DEK: variants seen among roughly 807,000 people sequenced by gnomAD.
DEK encodes the protein protein DEK.
A neutral mutation model predicts 46.8 loss-of-function variants in DEK; 28 were observed. The ratio of observed to expected loss-of-function variants is 0.60; its 90% CI spans 0.44 to 0.82. The LOEUF is 0.82. DEK is among the 40% of genes least tolerant of loss of function. The pLI is 0.00. For synonymous variants in DEK, 160 were observed against 144.5 expected, an observed-to-expected ratio of 1.11 and a Z score of -0.77; for missense variants, 416 against 430.6, an observed-to-expected ratio of 0.97 and a Z score of 0.30.
chr6:18,231,283 A>G (rs1395117253), intron 9 of DEK, among the ~76,000 whole-genome samples: 1 of 152,206 alleles, frequency 6.6e-6, no homozygotes, highest in African/African-American at 2.4e-5. Flanking sequence ...TCTAAAATTG[A>G]CACCCTAACA....
At chr6:18,248,011 G>A (rs571992217) in intron 7 of DEK, among the ~76,000 whole-genome samples, 1 of 152,164 alleles carries the variant, frequency 6.6e-6, no homozygotes, top group South Asian at 2.1e-4. Context: ...ATGACAAGAA[G>A]ATTCGATTTA....
intron 7 of DEK, among the ~76,000 whole-genome samples, chr6:18,239,578 C>T (rs548606983): frequency 6.6e-6 from 1 of 152,112 alleles, no homozygotes; most frequent in African/African-American, 2.4e-5. Context: ...GGCTGGGAAG[C>T]ATGTAGTTTA....
At chr6:18,264,100 T>A in intron 1 of DEK, 104 bp from the exon 2 acceptor site, 1 of 1,095,678 alleles carries the variant, frequency 9.1e-7, no homozygotes, top group Non-Finnish European at 1.2e-6. Flanking sequence ...ACACCTGCCC[T>A]GAAAGTTGCC....
At chr6:18,243,353 C>G (rs1425162617) in intron 7 of DEK, among the ~76,000 whole-genome samples, 1 of 151,622 alleles carries the variant, frequency 6.6e-6, no homozygotes, top group Non-Finnish European at 1.5e-5. Context: ...TAGTAAAATG[C>G]TCAGGTATAG....
In DEK at chr6:18,250,117, T is replaced by C. The variant is rs183097233; in HGVS notation, c.574-278A>G. 4.4e-3 allele frequency among the ~76,000 whole-genome samples: 666 copies of C among 152,330 alleles called. 5 individuals are homozygous for C. Among genetic ancestry groups the C allele is most frequent in the African/African-American group, 0.015 (642 of 41,572 alleles). ...GGGACTAGAAGCTCAAGACACATTA[T>C]GTTAAGCTCCAACGGCTGTTAATAC... On this transcript the variant is annotated intron_variant, in intron 6 of 10. Coordinates refer to ENST00000652689, the MANE Select transcript of DEK (RefSeq NM_003472.4).
chr6:18,250,113 A>G (rs1247762995), intron 6 of DEK, among the ~76,000 whole-genome samples: 1 of 152,222 alleles, frequency 6.6e-6, no homozygotes, highest in East Asian at 1.9e-4. Context: ...CTCAAGACAC[A>G]TTATGTTAAG....
At chr6:18,232,180 AC>A (rs1382402509) in intron 9 of DEK, among the ~76,000 whole-genome samples, 1 of 152,032 alleles carries the variant, frequency 6.6e-6, no homozygotes, top group Non-Finnish European at 1.5e-5. Flanking sequence ...CATGCTAAAA[AC>A]TCTCAATAAA....
chr6:18,241,219 A>G (rs1790879953), intron 7 of DEK, among the ~76,000 whole-genome samples: 1 of 152,180 alleles, frequency 6.6e-6, no homozygotes, highest in Non-Finnish European at 1.5e-5. Flanking sequence ...ATCTCAAAGG[A>G]CATACCTTGG....
chr6:18,251,150 C>T (rs80162649), intron 6 of DEK, among the ~76,000 whole-genome samples: 2,409 of 152,238 alleles, frequency 0.016, 67 homozygotes, highest in African/African-American at 0.055. Flanking sequence ...TGTTAAAATG[C>T]GCATTACAGA....
At chr6:18,240,347 T>C (rs761284149) in intron 7 of DEK, among the ~76,000 whole-genome samples, 1 of 152,230 alleles carries the variant, frequency 6.6e-6, no homozygotes, top group African/African-American at 2.4e-5. Context: ...ACTGCAAATA[T>C]ACTGCACAAG....
intron 6 of DEK, 26 bp from the exon 7 acceptor site, chr6:18,249,865 A>C (rs758166395): frequency 6.4e-7 from 1 of 1,571,826 alleles, no homozygotes; most frequent in Non-Finnish European, 8.6e-7. Flanking sequence ...TAAAGATAAC[A>C]CCAATGAGGT....
chr6:18,227,314 A>G (rs998566791), intron 9 of DEK, among the ~76,000 whole-genome samples: 2 of 152,116 alleles, frequency 1.3e-5, no homozygotes, highest in Admixed American at 6.6e-5. Flanking sequence ...ATAGGGGAAA[A>G]ACGCCTTAGG....
intron 6 of DEK, among the ~76,000 whole-genome samples, chr6:18,254,849 G>A (rs1268547433): frequency 6.6e-6 from 1 of 152,174 alleles, no homozygotes; most frequent in East Asian, 1.9e-4. Flanking sequence ...TGCGTTTGTA[G>A]TTGTATAACA....
At chr6:18,259,814 T>C (rs1582300314) in intron 2 of DEK, among the ~76,000 whole-genome samples, 1 of 152,316 alleles carries the variant, frequency 6.6e-6, no homozygotes. Context: ...AGCTTAGATT[T>C]AGTAATGTAA....
At chr6:18,230,653 G>C (rs1050269122) in intron 9 of DEK, among the ~76,000 whole-genome samples, 22 of 152,100 alleles carry the variant, frequency 1.4e-4, no homozygotes, top group African/African-American at 5.1e-4. Flanking sequence ...AATGGTAAAG[G>C]GATCAATTCA....
rs542418831 is a variant in DEK, at chr6:18,250,970, ATGC to A, written c.574-1134_574-1132del. On this transcript the variant is annotated intron_variant, in intron 6 of 10. Transcript: ENST00000652689. Reference sequence around the variant, plus strand: ...GTATGTTAATTATGAAACTAAGAATATGCTGCTATTATTCTGATAATCAATTAA... The same window carrying A: ...GTATGTTAATTATGAAACTAAGAATATGCTATTATTCTGATAATCAATTAA... Among the ~76,000 whole-genome samples the A allele has an allele frequency of 7.3e-4, 111 of 152,310 alleles. 1 individual carries two copies. The highest frequency in any genetic ancestry group is 6.8e-3 in the Middle Eastern group (2 of 294).
Position 18,226,201 on chromosome 6 carries a change from T to G in DEK, c.1089A>C (p.Lys363Asn). 1 of 1,343,806 alleles carries G rather than the reference T, an allele frequency of 7.4e-7. No individual in the cohort carries two copies. The highest frequency in any genetic ancestry group is 9.9e-7 in the Non-Finnish European group (1 of 1,008,092). 83.2% of individuals were successfully genotyped at this position (1,343,806 alleles called of 1,614,324 possible). A position where few individuals can be genotyped will look rare whatever the true frequency, so the allele number is the denominator to read the frequency against. ...NYPTYDLTERKDFIKTTVKEL... is the reference protein window; with the variant it reads ...NYPTYDLTERNDFIKTTVKEL... Reference sequence around the variant, plus strand: ...CTTTTACAGTTGTTTTTATGAAATCTTTTCTTTCAGTTAAATCATAAGTAG... The same window carrying G: ...CTTTTACAGTTGTTTTTATGAAATCGTTTCTTTCAGTTAAATCATAAGTAG... Residue 363 changes from lysine (K) to asparagine (N), a missense_variant, in exon 10 of 11, where the codon AAA becomes AAC. Coordinates refer to ENST00000652689, the MANE Select transcript of DEK (RefSeq NM_003472.4).
chr6:18,249,562 G>A (rs1791271799), intron 7 of DEK, 89 bp downstream of exon 7: 1 of 1,405,328 alleles, frequency 7.1e-7, no homozygotes, highest in Middle Eastern at 2.3e-4. Flanking sequence ...CAACCAATAA[G>A]GAAGTGTTTT....
chr6:18,263,819 C>A, intron 2 of DEK, 24 bp downstream of exon 2: 1 of 1,611,216 alleles, frequency 6.2e-7, no homozygotes, highest in Non-Finnish European at 8.5e-7. Flanking sequence ...AAAAATTCAT[C>A]AGTTGGGATG....
Sources: allele counts gnomAD v4.1 joint callset (sites outside exome capture counted in the v4.1 genomes callset), GRCh38; gene constraint gnomAD v4.1.1; transcripts MANE v1.5; gene names NCBI Gene and HGNC (gene_info 2026-07-23, HGNC 2026-07-21).